The following CADPS variants were observed in gnomAD, a reference collection of about 807,000 sequenced individuals.
CADPS encodes calcium dependent secretion activator, also known as calcium-dependent secretion activator 1.
CADPS carries 57 observed loss-of-function variants against 167.3 expected under a neutral mutation model. The observed-to-expected ratio is 0.34, with a 90% CI of 0.28 to 0.42. The LOEUF (loss-of-function observed/expected upper bound fraction) is 0.42, where lower values mean the gene tolerates loss of function less well. Among genes scored for constraint, CADPS ranks in the 20% least tolerant of loss-of-function variants. The probability of loss-of-function intolerance (pLI) is 1.00; values close to 1 mark genes in which losing one functional copy is unlikely to be tolerated. For missense variants in CADPS, 1,414 were observed against 1,738.1 expected (o/e 0.81, Z 3.32); for synonymous variants, 676 against 635.3 (o/e 1.06, Z -0.96).
chr3:62,550,144 C>T (rs9813819), intron 10 of CADPS, 29 bp from the exon 11 acceptor site: 4 of 1,563,444 alleles, frequency 2.6e-6, no homozygotes, highest in Admixed American at 3.3e-5. Flanking sequence ...ACAACTTCTA[C>T]TAAGCTGAGC....
intron 3 of CADPS, among the ~76,000 whole-genome samples, chr3:62,693,687 A>G (rs1362211621): frequency 6.6e-6 from 1 of 151,642 alleles, no homozygotes; most frequent in Non-Finnish European, 1.5e-5. Flanking sequence ...CAGGAGGCTG[A>G]GGCAGGAGGA....
chr3:62,612,063 T>C (rs1431488334), intron 6 of CADPS, among the ~76,000 whole-genome samples: 1 of 152,244 alleles, frequency 6.6e-6, no homozygotes, highest in Non-Finnish European at 1.5e-5. Context: ...ACAAATATTT[T>C]TGAGTGAATC....
chr3:62,802,025 T>C (rs946498184), intron 1 of CADPS, among the ~76,000 whole-genome samples: 2 of 152,140 alleles, frequency 1.3e-5, no homozygotes, highest in Non-Finnish European at 2.9e-5. Context: ...GAAGTCTTTG[T>C]GAGGAGAAAG....
rs2076135473 is a variant in CADPS at position 62,544,275 on chromosome 3, GC to G, written c.1966+5627del. 6.6e-6 allele frequency among the ~76,000 whole-genome samples: 1 copy of G among 152,032 alleles called. No individual in the cohort carries two copies. Among genetic ancestry groups the G allele is most frequent in the Non-Finnish European group, 1.5e-5 (1 of 67,998 alleles). Reference sequence around the variant, plus strand: ...ATGAACTCTTTAGTGTTCAAATAATGCATTTGCTTTCTTAATTGTATTTTGC... The same window carrying G: ...ATGAACTCTTTAGTGTTCAAATAATGATTTGCTTTCTTAATTGTATTTTGC... On this transcript the variant is annotated intron_variant, in intron 11 of 29. Transcript: ENST00000383710. The surrounding 1 kb of genome is among the most constrained non-coding windows in gnomAD (Gnocchi z 4.4).
chr3:62,471,533 C>T (rs1311689680), intron 24 of CADPS, among the ~76,000 whole-genome samples: 2 of 152,114 alleles, frequency 1.3e-5, no homozygotes, highest in South Asian at 2.1e-4. Flanking sequence ...AAAAGCAAAA[C>T]AGCCCAGATC....
At chr3:62,489,318 G>A (rs1215842841) in intron 21 of CADPS, among the ~76,000 whole-genome samples, 2 of 152,016 alleles carry the variant, frequency 1.3e-5, no homozygotes, top group African/African-American at 4.8e-5. Context: ...CCACCACCAC[G>A]CCCAGCTAAT....
rs2068574126 is a variant in CADPS at position 62,514,664 on chromosome 3, T to A, written c.2581+1395A>T. On this transcript the variant is annotated intron_variant, in intron 16 of 29. Coordinates refer to ENST00000383710, the MANE Select transcript of CADPS (RefSeq NM_003716.4). This position sits in a 1 kb window ranked among gnomAD's most constrained non-coding sequence, Gnocchi z 4.2. ...GATTTATCTGAAAGAAGAGAGCAGA[T>A]CTTACCAAAAGACTAGTAGTAATAG... Among the ~76,000 whole-genome samples the A allele has an allele frequency of 2.0e-5, 3 of 152,090 alleles. No individual in the cohort carries two copies. The South Asian group carries it at 6.2e-4, about 31-fold the overall frequency.
At chr3:62,503,146 G>A (rs2151365941) in intron 17 of CADPS, among the ~76,000 whole-genome samples, 1 of 151,366 alleles carries the variant, frequency 6.6e-6, no homozygotes, top group South Asian at 2.1e-4. Context: ...GGCAGCAGCA[G>A]CACTGACCAA....
chr3:62,473,542 C>T (rs1046730420), intron 24 of CADPS, among the ~76,000 whole-genome samples: 1 of 152,168 alleles, frequency 6.6e-6, no homozygotes, highest in Admixed American at 6.5e-5. Context: ...TCATGATAGT[C>T]TTTAATCAAG....
At chr3:62,832,422 T>C (rs1018310173) in intron 1 of CADPS, among the ~76,000 whole-genome samples, 2 of 152,210 alleles carry the variant, frequency 1.3e-5, no homozygotes, top group African/African-American at 2.4e-5. Flanking sequence ...TAAAGTAGAA[T>C]CCAGAAATCT....
At chr3:62,818,701 T>C (rs2152918968) in intron 1 of CADPS, among the ~76,000 whole-genome samples, 1 of 152,296 alleles carries the variant, frequency 6.6e-6, no homozygotes, top group East Asian at 1.9e-4. Context: ...CATGGAAACA[T>C]ATGTGCACAG....
intron 1 of CADPS, among the ~76,000 whole-genome samples, chr3:62,775,896 T>A (rs1351593368): frequency 1.3e-5 from 2 of 152,156 alleles, no homozygotes; most frequent in African/African-American, 2.4e-5. Flanking sequence ...TTCCGTGAAG[T>A]TGGCCGTTTT....
At chr3:62,685,117 A>AATTCAC (rs570866663) in intron 3 of CADPS, among the ~76,000 whole-genome samples, 4 of 152,182 alleles carry the variant, frequency 2.6e-5, no homozygotes, top group African/African-American at 9.6e-5. Context: ...TAACTTTTGT[A>AATTCAC]ATTCACAACA....
At chr3:62,678,863 C>A (rs2076707118) in intron 3 of CADPS, among the ~76,000 whole-genome samples, 1 of 152,006 alleles carries the variant, frequency 6.6e-6, no homozygotes, top group Non-Finnish European at 1.5e-5. Context: ...GGTGTCCAAC[C>A]TAGCCCTACT....
At chr3:62,611,941 G>C (rs1321555100) in intron 6 of CADPS, among the ~76,000 whole-genome samples, 1 of 152,064 alleles carries the variant, frequency 6.6e-6, no homozygotes, top group Non-Finnish European at 1.5e-5. Context: ...TTTGCTTATT[G>C]CCTGTCTCCC....
chr3:62,827,158 G>A (rs1038138318), intron 1 of CADPS, among the ~76,000 whole-genome samples: 5 of 152,136 alleles, frequency 3.3e-5, no homozygotes, highest in African/African-American at 1.2e-4. Flanking sequence ...CCACCCAGGT[G>A]TGTAAAGAAA....
At chr3:62,780,813 G>T (rs1279237313) in intron 1 of CADPS, among the ~76,000 whole-genome samples, 2 of 152,046 alleles carry the variant, frequency 1.3e-5, no homozygotes, top group East Asian at 1.9e-4. Context: ...CATCTTGCTA[G>T]TTCCTTCATT....
chr3:62,686,544 G>A (rs1563836926), intron 3 of CADPS, among the ~76,000 whole-genome samples: 2 of 151,984 alleles, frequency 1.3e-5, no homozygotes, highest in Admixed American at 1.3e-4. Context: ...TACACTACAA[G>A]TGATGATATA....
chr3:62,484,463 G>A (rs2062510188), intron 21 of CADPS, among the ~76,000 whole-genome samples: 1 of 152,238 alleles, frequency 6.6e-6, no homozygotes, highest in Middle Eastern at 3.4e-3. Context: ...AGTTAGTTAT[G>A]CATCTCTGAG....
Sources: allele counts gnomAD v4.1 joint callset (sites outside exome capture counted in the v4.1 genomes callset), GRCh38; gene constraint gnomAD v4.1.1; non-coding constraint Gnocchi (gnomAD v3.1); transcripts MANE v1.5; gene names NCBI Gene and HGNC (gene_info 2026-07-23, HGNC 2026-07-21).